DMRT1: variants seen among roughly 807,000 people sequenced by gnomAD.
The protein encoded by DMRT1 is doublesex and mab-3 related transcription factor 1.
DMRT1 carries 7 observed loss-of-function variants against 32.3 expected under a neutral mutation model. The observed-to-expected ratio is 0.22, with a 90% confidence interval of 0.12 to 0.41. The LOEUF (loss-of-function observed/expected upper bound fraction) is 0.41, where lower values mean the gene tolerates loss of function less well. DMRT1 is among the 10% of genes least tolerant of loss of function. The pLI is 1.00. For synonymous variants in DMRT1, 278 were observed against 206.1 expected (o/e 1.35, Z -2.99); for missense variants, 625 against 500.5 (o/e 1.25, Z -2.37).
At chr9:922,629 A>G (rs1818391701) in intron 4 of DMRT1, among the ~76,000 whole-genome samples, 1 of 152,226 alleles carries the variant, frequency 6.6e-6, no homozygotes, top group African/African-American at 2.4e-5. Flanking sequence ...AAGGTAATAC[A>G]CTTAGATATT....
At chr9:872,341 G>A (rs1246244849) in intron 2 of DMRT1, among the ~76,000 whole-genome samples, 3 of 152,200 alleles carry the variant, frequency 2.0e-5, no homozygotes, top group Non-Finnish European at 2.9e-5. Flanking sequence ...GATTACAGGC[G>A]TGAGCCAGTG....
At chr9:867,641 G>C (rs1816048155) in intron 2 of DMRT1, among the ~76,000 whole-genome samples, 1 of 152,190 alleles carries the variant, frequency 6.6e-6, no homozygotes, top group African/African-American at 2.4e-5. Context: ...TTAAGTGGTG[G>C]AGGTGGAACT....
rs183355689 is a variant in DMRT1 at position 959,944 on chromosome 9, A to G, written c.968-8041A>G. 2.6e-5 allele frequency among the ~76,000 whole-genome samples: 4 copies of G among 152,366 alleles called. No homozygotes were observed. In the East Asian group the frequency reaches 7.7e-4, roughly 29 times the overall value. On this transcript the variant is annotated intron_variant, in intron 4 of 4. Transcript: ENST00000382276. ...ATTCCATTGTTTTTCTCACTCATGC[A>G]TCCATTATTAAACACCCACTATGTG...
intron 2 of DMRT1, among the ~76,000 whole-genome samples, chr9:888,038 A>G (rs1189623009): frequency 6.6e-6 from 1 of 152,198 alleles, no homozygotes. Flanking sequence ...AAGTCTTCTG[A>G]AGAATATTAA....
At chr9:956,578 C>A (rs202189241) in intron 4 of DMRT1, among the ~76,000 whole-genome samples, 1,712 of 146,244 alleles carry the variant, frequency 0.012, 40 homozygotes, top group African/African-American at 0.041. Flanking sequence ...AAAAAAAAAA[C>A]AAAAAACAAA....
intron 2 of DMRT1, among the ~76,000 whole-genome samples, chr9:855,872 G>C (rs1026729670): frequency 1.3e-5 from 2 of 152,166 alleles, no homozygotes; most frequent in African/African-American, 4.8e-5. Context: ...TCTCACCTTG[G>C]CCTCCCAAAG....
chr9:862,169 G>A (rs1414819471), intron 2 of DMRT1, among the ~76,000 whole-genome samples: 97 of 150,796 alleles, frequency 6.4e-4, no homozygotes, highest in Non-Finnish European at 1.2e-3. Context: ...GGTGGAGGTT[G>A]TAGCGAGCCG....
intron 4 of DMRT1, among the ~76,000 whole-genome samples, chr9:956,345 A>G (rs1819598998): frequency 6.6e-6 from 1 of 152,196 alleles, no homozygotes; most frequent in African/African-American, 2.4e-5. Context: ...TTGGAGATGG[A>G]TGGTGGCAGT....
chr9:957,618 G>C (rs1359025796), intron 4 of DMRT1, among the ~76,000 whole-genome samples: 1 of 152,154 alleles, frequency 6.6e-6, no homozygotes, highest in African/African-American at 2.4e-5. Context: ...GTATTCTCCT[G>C]TCTGGAAATG....
In DMRT1 at chr9:861,357, C is replaced by A. The variant is rs186035299; in HGVS notation, c.538+14214C>A. Among the ~76,000 whole-genome samples the A allele has an allele frequency of 3.3e-3, 508 of 152,270 alleles. 3 individuals carry two copies. The highest frequency in any genetic ancestry group is 0.027 in the Middle Eastern group (8 of 294). On this transcript the variant is annotated intron_variant, in intron 2 of 4. Coordinates refer to ENST00000382276, the MANE Select transcript of DMRT1 (RefSeq NM_021951.3). Reference sequence around the variant, plus strand: ...CATTTAACCCTTAGTGGACACAGCACATGTTTCAGAGAGCACGGGGTTGGG... The same window carrying A: ...CATTTAACCCTTAGTGGACACAGCAAATGTTTCAGAGAGCACGGGGTTGGG...
At chr9:890,556 T>C (rs1817105127) in intron 2 of DMRT1, among the ~76,000 whole-genome samples, 1 of 152,092 alleles carries the variant, frequency 6.6e-6, no homozygotes, top group African/African-American at 2.4e-5. Context: ...GAGCTTGCAC[T>C]TTAGTTTTGC....
intron 3 of DMRT1, among the ~76,000 whole-genome samples, chr9:898,244 C>T (rs1459623276): frequency 6.6e-6 from 1 of 152,006 alleles, no homozygotes; most frequent in Non-Finnish European, 1.5e-5. Flanking sequence ...CTCAGCCTCC[C>T]AAGTAGCTGG....
intron 3 of DMRT1, among the ~76,000 whole-genome samples, chr9:900,376 CCT>C (rs891732057): frequency 9.2e-5 from 14 of 152,220 alleles, no homozygotes; most frequent in Admixed American, 7.8e-4. Context: ...CACTGCCCCC[CCT>C]TTTTTTGTTG....
At chr9:943,655 G>A (rs1819149844) in intron 4 of DMRT1, among the ~76,000 whole-genome samples, 1 of 152,154 alleles carries the variant, frequency 6.6e-6, no homozygotes, top group Non-Finnish European at 1.5e-5. Context: ...GTGGTCCATA[G>A]CGAAATGGAC....
At chr9:937,532 A>G (rs1818926488) in intron 4 of DMRT1, among the ~76,000 whole-genome samples, 2 of 152,188 alleles carry the variant, frequency 1.3e-5, no homozygotes, top group South Asian at 4.2e-4. Context: ...TTTTGATAAT[A>G]GCCTTCCTAA....
At chr9:958,953 C>G (rs1819682812) in intron 4 of DMRT1, among the ~76,000 whole-genome samples, 1 of 152,156 alleles carries the variant, frequency 6.6e-6, no homozygotes, top group South Asian at 2.1e-4. Flanking sequence ...GTTGGGATTT[C>G]CATCACACCT....
intron 2 of DMRT1, among the ~76,000 whole-genome samples, chr9:852,139 G>A (rs545823129): frequency 2.0e-5 from 3 of 151,840 alleles, no homozygotes; most frequent in Non-Finnish European, 4.4e-5. Context: ...GTTTCACCAT[G>A]TTGGCCACGC....
intron 4 of DMRT1, among the ~76,000 whole-genome samples, chr9:933,337 T>C (rs1818786774): frequency 1.3e-5 from 2 of 152,202 alleles, no homozygotes; most frequent in South Asian, 4.1e-4. Context: ...TCTACATCCT[T>C]AGCACTCAGG....
intron 3 of DMRT1, among the ~76,000 whole-genome samples, chr9:896,343 A>T (rs141157921): frequency 2.4e-5 from 3 of 124,564 alleles, no homozygotes; most frequent in Non-Finnish European, 4.8e-5. Context: ...GGCTGGTGCG[A>T]TCTTGGCTCA....
Sources: gnomAD v4.1 joint callset for allele counts (sites outside exome capture counted in the v4.1 genomes callset) on GRCh38, gnomAD v4.1.1 for gene constraint, MANE v1.5 for transcripts, NCBI Gene and HGNC (gene_info 2026-07-23, HGNC 2026-07-21) for gene names.